Variants in BMPER observed in about 807,000 individuals in gnomAD.
BMPER encodes BMP-binding endothelial regulator protein.
BMPER carries 45 observed loss-of-function variants against 87.3 expected under a neutral mutation model. That is an observed-to-expected ratio of 0.52 (90% CI 0.41 to 0.66). The LOEUF (loss-of-function observed/expected upper bound fraction) is 0.66. Ranked by LOEUF, BMPER falls within the 30% of genes least tolerant of loss-of-function variation. The pLI, the probability that BMPER is intolerant of heterozygous loss-of-function variation, is 0.00. For synonymous variants in BMPER, 326 were observed against 316.2 expected (o/e 1.03, Z -0.33); for missense variants, 784 against 867.5 (o/e 0.90, Z 1.21).
chr7:33,986,381 G>A (rs1786012668), intron 6 of BMPER, among the ~76,000 whole-genome samples: 1 of 152,214 alleles, frequency 6.6e-6, no homozygotes, highest in African/African-American at 2.4e-5. Flanking sequence ...CTTGAGTACA[G>A]TGTCTTACAC....
At chr7:33,989,832 G>A (rs1422557229) in intron 6 of BMPER, among the ~76,000 whole-genome samples, 14 of 152,242 alleles carry the variant, frequency 9.2e-5, no homozygotes, top group African/African-American at 2.9e-4. Context: ...CTTTCTACAT[G>A]TGGCTATCCA....
intron 6 of BMPER, among the ~76,000 whole-genome samples, chr7:34,020,905 C>T (rs1273466462): frequency 6.6e-6 from 1 of 151,720 alleles, no homozygotes; most frequent in Non-Finnish European, 1.5e-5. Context: ...CGCACACACA[C>T]ATATGCATAT....
At chr7:34,002,439 G>A (rs1562682481) in intron 6 of BMPER, among the ~76,000 whole-genome samples, 1 of 151,744 alleles carries the variant, frequency 6.6e-6, no homozygotes, top group Admixed American at 6.6e-5. Context: ...AGTTTGGTAG[G>A]TTGTATTAAA....
At chr7:33,991,563 AC>A (rs1303275220) in intron 6 of BMPER, among the ~76,000 whole-genome samples, 2 of 151,986 alleles carry the variant, frequency 1.3e-5, no homozygotes, top group African/African-American at 4.8e-5. Flanking sequence ...CTTTCAAAAA[AC>A]CAGCTCCTGG....
chr7:34,001,577 T>C (rs1786581524), intron 6 of BMPER, among the ~76,000 whole-genome samples: 1 of 146,654 alleles, frequency 6.8e-6, no homozygotes, highest in Non-Finnish European at 1.5e-5. Flanking sequence ...TTTTTTTTTT[T>C]CTGTTCAGTC....
chr7:33,967,553 C>T (rs1785436036), intron 4 of BMPER, among the ~76,000 whole-genome samples: 1 of 152,160 alleles, frequency 6.6e-6, no homozygotes, highest in South Asian at 2.1e-4. Context: ...AAATCTGTTG[C>T]TTGTTAAAAT....
intron 13 of BMPER, among the ~76,000 whole-genome samples, chr7:34,119,526 T>C (rs1345347): frequency 0.79 from 119,710 of 152,164 alleles, 47,425 homozygotes; most frequent in East Asian, 0.95. Context: ...AGTAATGCTA[T>C]GTGGAACATC....
At chr7:34,083,211 G>T (rs1428747625) in intron 12 of BMPER, among the ~76,000 whole-genome samples, 1 of 152,160 alleles carries the variant, frequency 6.6e-6, no homozygotes, top group South Asian at 2.1e-4. Flanking sequence ...TGAAGAAATA[G>T]AATTCGTTTT....
intron 2 of BMPER, among the ~76,000 whole-genome samples, chr7:33,915,035 A>G (rs1784057236): frequency 6.6e-6 from 1 of 152,218 alleles, no homozygotes; most frequent in Non-Finnish European, 1.5e-5. Flanking sequence ...GTGGATCCCC[A>G]GTTGGCAGGA....
At chr7:34,096,927 C>T (rs1373077304) in intron 13 of BMPER, among the ~76,000 whole-genome samples, 1 of 152,186 alleles carries the variant, frequency 6.6e-6, no homozygotes, top group Non-Finnish European at 1.5e-5. Context: ...AGACACCAGG[C>T]ACTGTTCAAG....
chr7:34,092,393 TA>T (rs1372888396), intron 13 of BMPER, among the ~76,000 whole-genome samples: 1 of 152,198 alleles, frequency 6.6e-6, no homozygotes, highest in Non-Finnish European at 1.5e-5. Context: ...TCTTATGAAA[TA>T]CTCGCATCCA....
At chr7:33,995,739 C>T (rs1165465054) in intron 6 of BMPER, among the ~76,000 whole-genome samples, 1 of 152,154 alleles carries the variant, frequency 6.6e-6, no homozygotes, top group Non-Finnish European at 1.5e-5. Flanking sequence ...CTTGTTGCTT[C>T]CCTATTTCAG....
chr7:34,038,922 A>G (rs1054631948), intron 6 of BMPER, among the ~76,000 whole-genome samples: 1 of 152,216 alleles, frequency 6.6e-6, no homozygotes, highest in Admixed American at 6.5e-5. Context: ...ACAAATTTTT[A>G]TGATAAAGCC....
At chr7:33,934,047 A>G (rs1010551466) in intron 2 of BMPER, among the ~76,000 whole-genome samples, 1 of 152,208 alleles carries the variant, frequency 6.6e-6, no homozygotes, top group African/African-American at 2.4e-5. Flanking sequence ...TGTGAACGGA[A>G]TGAGCCCTGA....
chr7:33,906,700 T>C, intron 1 of BMPER, 118 bp from the exon 2 acceptor site: 1 of 879,524 alleles, frequency 1.1e-6, no homozygotes. Flanking sequence ...TTAAACCACA[T>C]TAAGAATTCT....
chr7:33,914,197 C>T (rs1784034643), intron 2 of BMPER, among the ~76,000 whole-genome samples: 1 of 152,046 alleles, frequency 6.6e-6, no homozygotes, highest in Admixed American at 6.6e-5. Flanking sequence ...GATCTCCTGA[C>T]CTCGTGATCT....
intron 6 of BMPER, among the ~76,000 whole-genome samples, chr7:33,993,398 A>G (rs1786289854): frequency 6.6e-6 from 1 of 152,112 alleles, no homozygotes; most frequent in African/African-American, 2.4e-5. Context: ...CCTTTCTTCC[A>G]GTTGATCACA....
Position 34,055,220 on chromosome 7 carries a change from C to A in BMPER, c.844C>A (p.Gln282Lys). 1 of 1,614,076 alleles carries A rather than the reference C, an allele frequency of 6.2e-7. No homozygotes were observed. Among genetic ancestry groups the A allele is most frequent in the Non-Finnish European group, 8.5e-7 (1 of 1,180,006 alleles). Residue 282 changes from glutamine to lysine, a missense_variant, in exon 9 of 15, where the codon CAG (glutamine) becomes AAG (lysine). Gln to Lys is a moderately conservative substitution (Grantham distance 53). Transcript: ENST00000649409. Reference protein sequence around the residue: ...CSHPGGCDQGQEGCCEECLLR... With the variant: ...CSHPGGCDQGKEGCCEECLLR... ...CCACCCTGGTGGCTGTGACCAAGGC[C>A]AGGAGGGCTGTTGTGAAGAGTGCCT...
chr7:33,991,629 A>T (rs1259272888), intron 6 of BMPER, among the ~76,000 whole-genome samples: 3 of 151,886 alleles, frequency 2.0e-5, no homozygotes, highest in Non-Finnish European at 2.9e-5. Context: ...AGTTCTGCTC[A>T]GATTTTAGTT....
Sources: allele counts gnomAD v4.1 joint callset (sites outside exome capture counted in the v4.1 genomes callset), GRCh38; gene constraint gnomAD v4.1.1; transcripts MANE v1.5; gene names NCBI Gene and HGNC (gene_info 2026-07-23, HGNC 2026-07-21).